Variants in TOX observed in about 807,000 individuals in gnomAD.
TOX encodes thymocyte selection-associated high mobility group box protein TOX.
In TOX, 11 loss-of-function variants were observed where a neutral mutation model predicts 53.7. The ratio of observed to expected loss-of-function variants is 0.20; its 90% CI spans 0.13 to 0.34. The LOEUF is 0.34. Among genes scored for constraint, TOX ranks in the 10% least tolerant of loss-of-function variants. The pLI is 1.00. For missense variants in TOX, 570 were observed against 664.6 expected (o/e 0.86, Z 1.56); for synonymous variants, 225 against 245.3 (o/e 0.92, Z 0.77).
chr8:58,878,161 AG>A (rs2129170622), intron 3 of TOX, among the ~76,000 whole-genome samples: 1 of 151,854 alleles, frequency 6.6e-6, no homozygotes, highest in Non-Finnish European at 1.5e-5. Flanking sequence ...CCTTTTTTAT[AG>A]GAGGGTGGAA....
intron 1 of TOX, among the ~76,000 whole-genome samples, chr8:58,965,897 T>TG (rs1812888261): frequency 9.5e-6 from 1 of 105,576 alleles, no homozygotes. Flanking sequence ...AGTCATCGTT[T>TG]TTTTTTTTTT....
chr8:58,914,001 C>A (rs568191130), intron 3 of TOX, among the ~76,000 whole-genome samples: 94 of 152,270 alleles, frequency 6.2e-4, no homozygotes, highest in African/African-American at 2.3e-3. Context: ...ATTGCAGTGG[C>A]AGGAGGTCCA....
intron 1 of TOX, among the ~76,000 whole-genome samples, chr8:59,097,606 A>G (rs1369473558): frequency 6.6e-6 from 1 of 152,198 alleles, no homozygotes; most frequent in Non-Finnish European, 1.5e-5. Context: ...GGCACATTCT[A>G]CACCAGAGTT....
intron 1 of TOX, among the ~76,000 whole-genome samples, chr8:59,015,938 T>G (rs1181843778): frequency 2.0e-4 from 31 of 152,196 alleles, no homozygotes; most frequent in Non-Finnish European, 1.5e-5. Context: ...CAGAAAATAC[T>G]TGGGTACCAC....
intron 1 of TOX, among the ~76,000 whole-genome samples, chr8:59,043,512 A>G (rs932519233): frequency 3.9e-5 from 6 of 152,200 alleles, no homozygotes; most frequent in African/African-American, 1.4e-4. Flanking sequence ...AATAAACTAT[A>G]TAGCTAAACT....
At chr8:58,877,214 A>G (rs542513206) in intron 3 of TOX, among the ~76,000 whole-genome samples, 1 of 152,348 alleles carries the variant, frequency 6.6e-6, no homozygotes, top group South Asian at 2.1e-4. Context: ...TTAATTAATT[A>G]TAACAGTGAT....
chr8:59,066,505 T>G (rs1037417770), intron 1 of TOX, among the ~76,000 whole-genome samples: 23 of 152,320 alleles, frequency 1.5e-4, no homozygotes, highest in African/African-American at 4.3e-4. Flanking sequence ...CCCATAATAT[T>G]AAATATTTGT....
At chr8:59,114,006 G>C (rs879608849) in intron 1 of TOX, among the ~76,000 whole-genome samples, 1 of 152,036 alleles carries the variant, frequency 6.6e-6, no homozygotes, top group Non-Finnish European at 1.5e-5. Flanking sequence ...CACAAAAAAC[G>C]TATGACCACT....
At chr8:59,013,523 G>C (rs1304386856) in intron 1 of TOX, among the ~76,000 whole-genome samples, 2 of 151,196 alleles carry the variant, frequency 1.3e-5, no homozygotes, top group African/African-American at 4.9e-5. Flanking sequence ...CAATTCTCCT[G>C]CCTCAGCCTC....
intron 2 of TOX, among the ~76,000 whole-genome samples, chr8:58,959,462 C>T (rs182337239): frequency 6.6e-6 from 1 of 152,252 alleles, no homozygotes; most frequent in Admixed American, 6.5e-5. Flanking sequence ...TCCTCCCCAG[C>T]CCCCACTCCT....
intron 3 of TOX, among the ~76,000 whole-genome samples, chr8:58,873,194 A>G (rs961251147): frequency 6.6e-6 from 1 of 152,174 alleles, no homozygotes; most frequent in African/African-American, 2.4e-5. Flanking sequence ...CATGCATACA[A>G]ACAGAATGGT....
At chr8:58,832,107 A>G (rs2129166341) in intron 5 of TOX, among the ~76,000 whole-genome samples, 1 of 145,716 alleles carries the variant, frequency 6.9e-6, no homozygotes, top group Non-Finnish European at 1.5e-5. Flanking sequence ...ATAATTGTAT[A>G]TGTGGATATA....
At chr8:58,961,007 T>G (rs1425462579) in intron 1 of TOX, among the ~76,000 whole-genome samples, 1 of 152,224 alleles carries the variant, frequency 6.6e-6, no homozygotes, top group Non-Finnish European at 1.5e-5. Flanking sequence ...GAAGTCTGAA[T>G]TATTATTTTT....
chr8:59,035,777 T>C (rs948654378), intron 1 of TOX, among the ~76,000 whole-genome samples: 5 of 152,216 alleles, frequency 3.3e-5, no homozygotes, highest in Admixed American at 3.3e-4. Context: ...ATAATCATAA[T>C]AACAATAATG....
chr8:58,814,571 A>T (rs1400106868), intron 7 of TOX: 2 of 152,218 alleles, frequency 1.3e-5, no homozygotes, highest in Non-Finnish European at 2.9e-5. Flanking sequence ...TTTTTAAAAT[A>T]AAATTTAAAA....
At chr8:59,094,801 C>G (rs1804686989) in intron 1 of TOX, among the ~76,000 whole-genome samples, 1 of 152,050 alleles carries the variant, frequency 6.6e-6, no homozygotes, top group Non-Finnish European at 1.5e-5. Context: ...TCTAAGCCCC[C>G]AAGGAGGTTT....
At chr8:59,101,179 G>A (rs1377488398) in intron 1 of TOX, among the ~76,000 whole-genome samples, 1 of 152,190 alleles carries the variant, frequency 6.6e-6, no homozygotes, top group Non-Finnish European at 1.5e-5. Flanking sequence ...AAATATTAAA[G>A]TTGTCCATTT....
intron 6 of TOX, among the ~76,000 whole-genome samples, chr8:58,818,376 T>G (rs578253261): frequency 3.3e-5 from 5 of 152,160 alleles, no homozygotes; most frequent in African/African-American, 9.7e-5. Context: ...TTATATATAT[T>G]TTCCCTTTAT....
chr8:58,927,878 T>A (rs1812191704), intron 3 of TOX, among the ~76,000 whole-genome samples: 1 of 152,052 alleles, frequency 6.6e-6, no homozygotes, highest in Non-Finnish European at 1.5e-5. Context: ...CACGGTCACA[T>A]GTGGATAGTG....
Sources: gnomAD v4.1 joint callset for allele counts (sites outside exome capture counted in the v4.1 genomes callset) on GRCh38, gnomAD v4.1.1 for gene constraint, MANE v1.5 for transcripts, NCBI Gene and HGNC (gene_info 2026-07-23, HGNC 2026-07-21) for gene names.